Variants in IDO2 observed in about 807,000 individuals in gnomAD.
IDO2 encodes the protein indoleamine 2,3-dioxygenase 2, also known as indoleamine 2,3-dioxygenase-like 1 protein.
In IDO2, 46 loss-of-function variants were observed where a neutral mutation model predicts 45.1. The ratio of observed to expected loss-of-function variants is 1.02; its 90% CI spans 0.80 to 1.30. IDO2 has a LOEUF of 1.30. Among genes scored for constraint, IDO2 ranks in the 50% most tolerant of loss-of-function variants. IDO2 has a pLI of 0.00. For missense variants in IDO2, 544 were observed against 491.8 expected (o/e 1.11, Z -1.00); for synonymous variants, 218 against 184.9 (o/e 1.18, Z -1.45).
chr8:39,953,147 C>A (rs990306071), intron 2 of IDO2, among the ~76,000 whole-genome samples: 3 of 152,058 alleles, frequency 2.0e-5, no homozygotes, highest in Non-Finnish European at 2.9e-5. Context: ...CGTGATCTGC[C>A]CACCTCAGCC....
At chr8:39,959,837 TAA>T (rs1807965950) in intron 2 of IDO2, among the ~76,000 whole-genome samples, 2 of 152,064 alleles carry the variant, frequency 1.3e-5, no homozygotes, top group South Asian at 4.1e-4. Context: ...AATAAATAAA[TAA>T]GTCAGAGATT....
At chr8:39,935,117 G>C in exon 1 of IDO2, 1 of 1,152,118 alleles carries the variant, frequency 8.7e-7, no homozygotes. Context: ...AATACAGAAG[G>C]CAATGGACAC....
chr8:40,009,089 A>G (rs1802265934), intron 9 of IDO2, among the ~76,000 whole-genome samples: 1 of 152,162 alleles, frequency 6.6e-6, no homozygotes, highest in Non-Finnish European at 1.5e-5. Context: ...ATCTTGGCTC[A>G]CTGCAACCTC....
At chr8:39,938,760 G>A (rs1427522845) in intron 1 of IDO2, among the ~76,000 whole-genome samples, 1 of 152,146 alleles carries the variant, frequency 6.6e-6, no homozygotes, top group Non-Finnish European at 1.5e-5. Context: ...GAACAACTCA[G>A]TTAAATAATG....
chr8:40,010,258 C>T (rs1413846312), intron 9 of IDO2, among the ~76,000 whole-genome samples: 5 of 152,032 alleles, frequency 3.3e-5, no homozygotes, highest in African/African-American at 1.2e-4. Flanking sequence ...GAGTGAGCCG[C>T]CAAGAAGGAA....
chr8:39,981,472 G>A (rs1195379469), intron 4 of IDO2, among the ~76,000 whole-genome samples: 1 of 152,056 alleles, frequency 6.6e-6, no homozygotes, highest in Non-Finnish European at 1.5e-5. Flanking sequence ...GGGGTTTGGG[G>A]GAGAGAAGAG....
intron 2 of IDO2, among the ~76,000 whole-genome samples, chr8:39,961,806 C>G (rs1808001537): frequency 6.6e-6 from 1 of 152,190 alleles, no homozygotes; most frequent in African/African-American, 2.4e-5. Context: ...TTGTTTCCAT[C>G]CATTCATTTG....
rs570520015 is a variant in IDO2, at chr8:39,992,722, T to A, written c.667+2884T>A. Among the ~76,000 whole-genome samples the A allele has an allele frequency of 3.3e-5, 5 of 152,348 alleles. No individual in the cohort carries two copies. The East Asian group carries it at 9.6e-4, about 29-fold the overall frequency. On this transcript the variant is annotated intron_variant, in intron 8 of 10. Transcript: ENST00000502986. Reference sequence around the variant, plus strand: ...ATAGAGCTTGGCTGGACTTTTTCCCTCTGCTTCCATTCCCCAAAATGGAGC... The same window carrying A: ...ATAGAGCTTGGCTGGACTTTTTCCCACTGCTTCCATTCCCCAAAATGGAGC...
chr8:40,015,841 T>C (rs1802380050), exon 11 of IDO2: 1 of 456,670 alleles, frequency 2.2e-6, no homozygotes, highest in East Asian at 3.3e-5. Context: ...TAATGGATAC[T>C]TCCTCATGCA....
chr8:39,989,812 T>C, exon 8 of IDO2: 1 of 1,600,532 alleles, frequency 6.2e-7, no homozygotes, highest in Non-Finnish European at 8.5e-7. Context: ...ATTCAGGACA[T>C]CACCAAAACC....
At chr8:39,977,523 A>G (rs1279121575) in intron 3 of IDO2, among the ~76,000 whole-genome samples, 1 of 152,188 alleles carries the variant, frequency 6.6e-6, no homozygotes, top group African/African-American at 2.4e-5. Context: ...CCTACAAACA[A>G]TTTTAAAATT....
intron 1 of IDO2, among the ~76,000 whole-genome samples, chr8:39,943,634 G>A (rs1348080469): frequency 6.6e-6 from 1 of 151,200 alleles, no homozygotes; most frequent in Non-Finnish European, 1.5e-5. Context: ...CTACTCGGGA[G>A]GCTGAGGCAG....
At chr8:39,997,358 T>C (rs1802061751) in intron 8 of IDO2, among the ~76,000 whole-genome samples, 1 of 150,708 alleles carries the variant, frequency 6.6e-6, no homozygotes, top group East Asian at 2.1e-4. Context: ...TATTTTATAC[T>C]TTTAAAATCC....
intron 6 of IDO2, chr8:39,986,332 T>G (rs1808422125): frequency 6.6e-6 from 1 of 152,184 alleles, no homozygotes; most frequent in African/African-American, 2.4e-5. Flanking sequence ...GTGTTGCCTC[T>G]CCCATCACCA....
At chr8:39,999,276 C>CTTTTTTTTTTTT (rs35720120) in intron 8 of IDO2, among the ~76,000 whole-genome samples, 1 of 78,420 alleles carries the variant, frequency 1.3e-5, no homozygotes, top group African/African-American at 5.0e-5. Context: ...TCTGCTGCTG[C>CTTTTTTTTTTTT]TTTTTTTTTT....
In IDO2 at chr8:40,013,729, T is replaced by G. The variant is rs752269187; in HGVS notation, c.868+16T>G. 6.3e-7 allele frequency: 1 copy of G among 1,587,166 alleles called. No individual in the cohort carries two copies. The highest frequency in any genetic ancestry group is 1.8e-5 in the Admixed American group (1 of 56,330). On this transcript the variant is annotated intron_variant, in intron 10 of 10. Coordinates refer to ENST00000502986, the Ensembl canonical transcript of IDO2. ...AAGGAAAGTGGTAAGTCAGACATTTTGTTTTCCCTTGAGAGTAGAGGGAGG... is the reference window on the plus strand; with the variant it reads ...AAGGAAAGTGGTAAGTCAGACATTTGGTTTTCCCTTGAGAGTAGAGGGAGG...
At chr8:39,946,673 C>T (rs1049423027) in intron 1 of IDO2, among the ~76,000 whole-genome samples, 1 of 152,060 alleles carries the variant, frequency 6.6e-6, no homozygotes, top group Non-Finnish European at 1.5e-5. Context: ...TGATTTGAAT[C>T]ATAATAAAAC....
chr8:40,000,487 TA>T lies in IDO2; in HGVS notation c.668-4835del, dbSNP rs1802119021. Among the ~76,000 whole-genome samples, 3 of 152,204 alleles carry T rather than the reference TA, an allele frequency of 2.0e-5. No individual in the cohort carries two copies. The South Asian group carries it at 6.2e-4, about 32-fold the overall frequency. On this transcript the variant is annotated intron_variant, in intron 8 of 10. Transcript: ENST00000502986. Reference sequence around the variant, plus strand: ...GTTTTGTAGGGTTTTGAACCTTGTCTAAAAAGAATTAAAATGTATAAATTTC... The same window carrying T: ...GTTTTGTAGGGTTTTGAACCTTGTCTAAAAGAATTAAAATGTATAAATTTC...
chr8:39,973,048 C>T (rs1280156523), intron 3 of IDO2, among the ~76,000 whole-genome samples: 1 of 151,964 alleles, frequency 6.6e-6, no homozygotes, highest in African/African-American at 2.4e-5. Flanking sequence ...TGGAATTGAG[C>T]CCTGACTATC....
Sources: allele counts gnomAD v4.1 joint callset (sites outside exome capture counted in the v4.1 genomes callset), GRCh38; gene constraint gnomAD v4.1.1; transcripts MANE v1.5; gene names NCBI Gene and HGNC (gene_info 2026-07-23, HGNC 2026-07-21).